CDCA7: variants seen among roughly 807,000 people sequenced by gnomAD.
CDCA7 encodes the protein cell division cycle-associated protein 7.
Under a neutral mutation model 54.0 loss-of-function variants are expected in CDCA7, and 28 were observed. That is an observed-to-expected ratio of 0.52 (90% CI 0.38 to 0.71). The LOEUF is 0.71. CDCA7 is among the 30% of genes least tolerant of loss of function. The pLI, the probability that CDCA7 is intolerant of heterozygous loss-of-function variation, is 0.00. For synonymous variants in CDCA7, 180 were observed against 208.2 expected (o/e 0.86, Z 1.16); for missense variants, 484 against 586.0 (o/e 0.83, Z 1.80).
intron 3 of CDCA7, 41 bp from the exon 4 acceptor site, chr2:173,363,185 G>C: frequency 1.3e-6 from 2 of 1,582,508 alleles, no homozygotes; most frequent in Non-Finnish European, 1.7e-6. Flanking sequence ...GATGCAGCTT[G>C]TCTGCTGATC....
At chr2:173,357,607 G>C (rs1296607235) in intron 1 of CDCA7, among the ~76,000 whole-genome samples, 1 of 152,206 alleles carries the variant, frequency 6.6e-6, no homozygotes, top group Non-Finnish European at 1.5e-5. Flanking sequence ...TAGCATCACA[G>C]TACATAGCCC....
intron 1 of CDCA7, among the ~76,000 whole-genome samples, chr2:173,355,411 C>A (rs1042892894): frequency 1.3e-5 from 2 of 152,232 alleles, no homozygotes; most frequent in African/African-American, 4.8e-5. Flanking sequence ...CGTGGCTCGC[C>A]GCGTCTATAC....
chr2:173,356,619 C>G (rs1422133316), intron 1 of CDCA7, among the ~76,000 whole-genome samples: 1 of 152,334 alleles, frequency 6.6e-6, no homozygotes, highest in Admixed American at 6.5e-5. Flanking sequence ...GTCTTCCCAC[C>G]TCAGCCTCCC....
Position 173,354,886 on chromosome 2 carries a change from T to C in CDCA7, c.-78T>C. 7.6e-7 allele frequency: 1 copy of C among 1,322,362 alleles called. No homozygotes were observed. Among genetic ancestry groups the C allele is most frequent in the Non-Finnish European group, 9.8e-7 (1 of 1,016,714 alleles). The allele number at this position is 1,322,362 out of a possible 1,614,324, so 81.9% of individuals were successfully genotyped here. On this transcript the variant is annotated 5_prime_UTR_variant, in exon 1 of 10. Transcript: ENST00000306721. Reference sequence around the variant, plus strand: ...CTGCCAGCCGCGCTGCTGCTGCTCCTCCTGCTGTGGGACCGCTGACCGCGC... The same window carrying C: ...CTGCCAGCCGCGCTGCTGCTGCTCCCCCTGCTGTGGGACCGCTGACCGCGC...
chr2:173,356,135 G>A (rs897789710), intron 1 of CDCA7: 2 of 152,286 alleles, frequency 1.3e-5, no homozygotes, highest in South Asian at 2.1e-4. Context: ...CACGAAAAAC[G>A]CCTACTATAA....
At chr2:173,363,195 C>A in intron 3 of CDCA7, 31 bp from the exon 4 acceptor site, 1 of 1,598,666 alleles carries the variant, frequency 6.3e-7, no homozygotes. Context: ...GTCTGCTGAT[C>A]AAGTCCTAAT....
chr2:173,362,379 G>T (rs954390592), intron 3 of CDCA7, among the ~76,000 whole-genome samples: 11 of 152,162 alleles, frequency 7.2e-5, no homozygotes, highest in African/African-American at 2.4e-4. Context: ...ACATTCTGGA[G>T]ATGGATGGTG....
chr2:173,355,380 G>T (rs1473584340), intron 1 of CDCA7, among the ~76,000 whole-genome samples: 2 of 152,202 alleles, frequency 1.3e-5, no homozygotes, highest in East Asian at 3.9e-4. Flanking sequence ...GCCCTTTCCC[G>T]CACACAACTC....
chr2:173,361,452 C>CTT (rs35355726), intron 3 of CDCA7, among the ~76,000 whole-genome samples: 61 of 107,648 alleles, frequency 5.7e-4, no homozygotes, highest in African/African-American at 1.8e-3. Context: ...TTTCCTTTTG[C>CTT]TTTTTTTTTT....
Position 173,363,882 on chromosome 2 carries a change from C to T in CDCA7, c.686C>T (p.Pro229Leu), listed in dbSNP as rs1686669518. ...TCGTTCCGTGGAAGACATCCCCTCC[C>T]AGGCTCCGACTCAGTAAGTACCAGT... ...PGSFRGRHPL[P>L]GSDSQSRRPR... is the part of the protein sequence containing the mutation. Residue 229 changes from proline (P) to leucine (L), a missense_variant, in exon 5 of 10, where the codon CCA (proline) becomes CTA (leucine). Around this residue, in one of 3 missense-constraint regions of CDCA7, gnomAD observed 398 missense variants for 447.4 expected, o/e 0.89. Coordinates refer to ENST00000306721, the MANE Select transcript of CDCA7 (RefSeq NM_031942.5). The T allele has an allele frequency of 1.2e-6, 2 of 1,614,092 alleles. No individual in the cohort carries two copies. Among genetic ancestry groups the T allele is most frequent in the Admixed American group, 1.7e-5 (1 of 60,014 alleles).
intron 1 of CDCA7, among the ~76,000 whole-genome samples, chr2:173,355,360 C>T (rs551765171): frequency 6.6e-6 from 1 of 152,310 alleles, no homozygotes; most frequent in African/African-American, 2.4e-5. Context: ...GGTTGTCCCG[C>T]AGCGGCCCAG....
At chr2:173,358,525 G>T in intron 1 of CDCA7, 187 bp from the exon 2 acceptor site, 3 of 523,732 alleles carry the variant, frequency 5.7e-6, no homozygotes, top group Non-Finnish European at 9.8e-6. Context: ...GCGAGATCCT[G>T]CTTCTTACAA....
intron 1 of CDCA7, among the ~76,000 whole-genome samples, chr2:173,355,669 A>AC (rs1558946128): frequency 9.0e-5 from 6 of 66,870 alleles, no homozygotes; most frequent in Non-Finnish European, 1.9e-4. Context: ...CCAACCCCCA[A>AC]CCCCCCACCC....
At position 173,359,430 on chromosome 2, in the gene CDCA7, A is replaced by T; in HGVS notation, c.323A>T (p.His108Leu). Residue 108 changes from histidine (H) to leucine (L), a missense_variant, in exon 3 of 10, where the codon CAT (histidine) becomes CTT (leucine). This residue lies in a region of CDCA7 where 398 missense variants were observed against 447.4 expected (regional missense o/e 0.89). Transcript: ENST00000306721. ...DVTNELAGIF[H>L]ADSDDESFCG... ...ACTAACGAACTGGCCGGTATTTTTC[A>T]TGCCGACTCTGACGATGAATCATTT... 1 of 1,614,224 alleles carries T rather than the reference A, an allele frequency of 6.2e-7. No individual in the cohort carries two copies. Among genetic ancestry groups the T allele is most frequent in the Non-Finnish European group, 8.5e-7 (1 of 1,180,044 alleles).
At chr2:173,359,964 T>G (rs928721469) in intron 3 of CDCA7, among the ~76,000 whole-genome samples, 2 of 152,240 alleles carry the variant, frequency 1.3e-5, no homozygotes, top group African/African-American at 4.8e-5. Context: ...CCCTTCCTGC[T>G]GCTACTTTTG....
intron 2 of CDCA7, 111 bp downstream of exon 2, chr2:173,358,948 G>A (rs918268842): frequency 6.5e-6 from 9 of 1,378,766 alleles, no homozygotes; most frequent in East Asian, 2.3e-5. Flanking sequence ...CTATACAGCC[G>A]TTATGAAAAT....
chr2:173,355,846 T>C (rs1255886277), intron 1 of CDCA7, among the ~76,000 whole-genome samples: 4 of 151,940 alleles, frequency 2.6e-5, no homozygotes, highest in South Asian at 4.1e-4. Flanking sequence ...TATCAGGGGT[T>C]AGGGACCCTC....
At position 173,358,656 on chromosome 2, in the gene CDCA7, C is replaced by G. The variant is rs894676218; in HGVS notation, c.22-56C>G. The G allele has an allele frequency of 6.9e-5, 109 of 1,572,526 alleles. 1 individual carries two copies. Among genetic ancestry groups the G allele is most frequent in the Non-Finnish European group, 8.7e-5 (101 of 1,157,536 alleles). ...CTACTAAACTAAAAAAAAATGATGTCTTTAGTTAAATAAAGTAAGCATCAC... is the reference window on the plus strand; with the variant it reads ...CTACTAAACTAAAAAAAAATGATGTGTTTAGTTAAATAAAGTAAGCATCAC... On this transcript the variant is annotated intron_variant, in intron 1 of 9. Transcript: ENST00000306721.
chr2:173,359,999 A>ACGCTACCTTCCTTTAACTGC (rs1686589958), intron 3 of CDCA7, among the ~76,000 whole-genome samples: 1 of 152,126 alleles, frequency 6.6e-6, no homozygotes, highest in Non-Finnish European at 1.5e-5. Context: ...TTTCCTATGC[A>ACGCTACCTTCCTTTAACTGC]CGCTACCTTC....
Sources: allele counts gnomAD v4.1 joint callset (sites outside exome capture counted in the v4.1 genomes callset), GRCh38; gene constraint gnomAD v4.1.1; regional missense constraint gnomAD v4.1.1; transcripts MANE v1.5; gene names NCBI Gene and HGNC (gene_info 2026-07-23, HGNC 2026-07-21).